RGS7: variants seen among roughly 807,000 people sequenced by gnomAD.
The protein encoded by RGS7 is regulator of G-protein signaling 7.
In RGS7, 27 loss-of-function variants were observed where a neutral mutation model predicts 81.1. The observed-to-expected ratio is 0.33, with a 90% CI of 0.25 to 0.46. The LOEUF (loss-of-function observed/expected upper bound fraction) is 0.46, where lower values mean the gene tolerates loss of function less well. RGS7 is among the 20% of genes least tolerant of loss of function. The probability of loss-of-function intolerance (pLI) is 1.00; values close to 1 mark genes in which losing one functional copy is unlikely to be tolerated. For missense variants in RGS7, 396 were observed against 607.4 expected (o/e 0.65, Z 3.66); for synonymous variants, 208 against 207.7 (o/e 1.00, Z -0.01).
chr1:241,088,079 T>C (rs931426442), intron 3 of RGS7, among the ~76,000 whole-genome samples: 6 of 148,920 alleles, frequency 4.0e-5, no homozygotes, highest in East Asian at 3.9e-4. Flanking sequence ...TATATATATA[T>C]ACATATATAT....
At chr1:241,247,603 C>A (rs1041280519) in intron 2 of RGS7, among the ~76,000 whole-genome samples, 1 of 151,888 alleles carries the variant, frequency 6.6e-6, no homozygotes, top group African/African-American at 2.4e-5. Flanking sequence ...TTTCTTAATG[C>A]AATGCAATCA....
intron 18 of RGS7, among the ~76,000 whole-genome samples, chr1:240,777,007 A>C (rs1019994733): frequency 6.6e-6 from 1 of 152,216 alleles, no homozygotes; most frequent in Non-Finnish European, 1.5e-5. Flanking sequence ...GAGATAAGAA[A>C]TTTGAGACCG....
At chr1:240,800,122 C>G (rs1195979583) in intron 18 of RGS7, among the ~76,000 whole-genome samples, 6 of 152,166 alleles carry the variant, frequency 3.9e-5, no homozygotes, top group Non-Finnish European at 7.3e-5. Flanking sequence ...CAGAGTACCT[C>G]ACATTATCTG....
At chr1:241,080,816 T>C (rs1329362907) in intron 3 of RGS7, among the ~76,000 whole-genome samples, 1 of 152,234 alleles carries the variant, frequency 6.6e-6, no homozygotes, top group East Asian at 1.9e-4. Context: ...ACATCTCTTT[T>C]ATGTCTGAAA....
chr1:240,778,982 C>T lies in RGS7; in HGVS notation c.*7-2769G>A, dbSNP rs141374524. ...TCCTGCCTGCTCTGGTCTGTCTGTC[C>T]CCCTCAAAGCTCACATGTTGAAAGC... On this transcript the variant is annotated intron_variant, in intron 18 of 18. Coordinates refer to ENST00000440928, the MANE Select transcript of RGS7 (RefSeq NM_001364886.1). 4.0e-3 allele frequency among the ~76,000 whole-genome samples: 602 copies of T among 152,186 alleles called. 9 individuals are homozygous for T. The highest frequency in any genetic ancestry group is 0.014 in the South Asian group (65 of 4,812).
intron 18 of RGS7, among the ~76,000 whole-genome samples, chr1:240,776,503 A>G (rs1259040503): frequency 2.0e-5 from 3 of 152,092 alleles, no homozygotes; most frequent in Non-Finnish European, 2.9e-5. Flanking sequence ...TTAGCAAATC[A>G]TAAAACATAT....
chr1:241,171,424 AG>A lies in RGS7; in HGVS notation c.79-72663del, dbSNP rs148579229. Among the ~76,000 whole-genome samples, 1,085 of 152,320 alleles carry A rather than the reference AG, an allele frequency of 7.1e-3. 19 individuals are homozygous for A. Among genetic ancestry groups the A allele is most frequent in the African/African-American group, 0.025 (1,051 of 41,568 alleles). ...TTAACCTTAGTCATGTAAGTCACCC[AG>A]TTCTTTTAACTCCTATAAATGCTCT... On this transcript the variant is annotated intron_variant, in intron 2 of 18. Coordinates refer to ENST00000440928, the MANE Select transcript of RGS7 (RefSeq NM_001364886.1).
chr1:240,968,626 C>T (rs560621901), intron 4 of RGS7, among the ~76,000 whole-genome samples: 2 of 151,838 alleles, frequency 1.3e-5, no homozygotes, highest in African/African-American at 4.8e-5. Context: ...ATTTGAAAAT[C>T]GTATCAGATG....
rs1337574210 is a variant in RGS7 at position 241,163,274 on chromosome 1, C to CT, written c.79-64513dup. ...CCTGCTCAGTCCTAGGGCTCAGTAGCTTTTTGTGGAGATGACTGCATAGCA... is the reference window on the plus strand; with the variant it reads ...CCTGCTCAGTCCTAGGGCTCAGTAGCTTTTTTGTGGAGATGACTGCATAGCA... On this transcript the variant is annotated intron_variant, in intron 2 of 18. Transcript: ENST00000440928. This position sits in a 1 kb window ranked among gnomAD's most constrained non-coding sequence, Gnocchi z 4.6. Among the ~76,000 whole-genome samples the CT allele has an allele frequency of 1.3e-5, 2 of 152,148 alleles. No homozygotes were observed. The highest frequency in any genetic ancestry group is 2.9e-5 in the Non-Finnish European group (2 of 68,030).
intron 2 of RGS7, among the ~76,000 whole-genome samples, chr1:241,272,782 C>A (rs1249622885): frequency 6.6e-6 from 1 of 152,094 alleles, no homozygotes; most frequent in Non-Finnish European, 1.5e-5. Context: ...TGGATAATTT[C>A]TATTCACTTG....
At chr1:240,864,018 G>A (rs1306837046) in intron 9 of RGS7, among the ~76,000 whole-genome samples, 7 of 152,134 alleles carry the variant, frequency 4.6e-5, no homozygotes, top group Non-Finnish European at 1.0e-4. Context: ...CTCTCCCACC[G>A]CTAGCTCTGA....
chr1:241,279,955 TC>T (rs367841065), intron 2 of RGS7, among the ~76,000 whole-genome samples: 1 of 152,288 alleles, frequency 6.6e-6, no homozygotes, highest in African/African-American at 2.4e-5. Context: ...ATTTAACCAA[TC>T]CCCTGTGGAA....
At chr1:240,941,264 C>T (rs1487967809) in intron 4 of RGS7, among the ~76,000 whole-genome samples, 3 of 152,076 alleles carry the variant, frequency 2.0e-5, no homozygotes, top group African/African-American at 7.2e-5. Context: ...ACAATGCTTA[C>T]AAATGGTTTT....
At chr1:240,942,578 C>G (rs2447695) in intron 4 of RGS7, among the ~76,000 whole-genome samples, 96,372 of 151,954 alleles carry the variant, frequency 0.63, 31,969 homozygotes, top group African/African-American at 0.83. Context: ...GTATAAGTAT[C>G]AGTAGTGTGT....
intron 6 of RGS7, among the ~76,000 whole-genome samples, chr1:240,874,419 G>A (rs1162031906): frequency 2.6e-5 from 4 of 152,008 alleles, no homozygotes; most frequent in African/African-American, 7.3e-5. Flanking sequence ...GTGTAGGAGA[G>A]GAAAGGGGAA....
chr1:240,862,730 GTCTT>G (rs1324366378), intron 9 of RGS7, among the ~76,000 whole-genome samples: 1 of 152,080 alleles, frequency 6.6e-6, no homozygotes, highest in Non-Finnish European at 1.5e-5. Context: ...TAACTTAAAA[GTCTT>G]TCAGTTAGAT....
chr1:241,148,647 C>G (rs1350914021), intron 2 of RGS7, among the ~76,000 whole-genome samples: 4 of 152,192 alleles, frequency 2.6e-5, no homozygotes. Context: ...ATCTGATGCT[C>G]TCTTCATTCA....
intron 3 of RGS7, among the ~76,000 whole-genome samples, chr1:241,093,955 A>G (rs2064068890): frequency 6.6e-6 from 1 of 152,208 alleles, no homozygotes; most frequent in African/African-American, 2.4e-5. Context: ...GGGAAGTCGA[A>G]GTCGAAAACA....
intron 2 of RGS7, among the ~76,000 whole-genome samples, chr1:241,158,048 T>C (rs2069324846): frequency 6.6e-6 from 1 of 151,820 alleles, no homozygotes; most frequent in African/African-American, 2.4e-5. Context: ...TCTCATCTCC[T>C]GACCTTATGA....
Sources: gnomAD v4.1 joint callset for allele counts (sites outside exome capture counted in the v4.1 genomes callset) on GRCh38, gnomAD v4.1.1 for gene constraint, Gnocchi (gnomAD v3.1) non-coding constraint, MANE v1.5 for transcripts, NCBI Gene and HGNC (gene_info 2026-07-23, HGNC 2026-07-21) for gene names.